Variants in DYM observed in about 807,000 individuals in gnomAD.
DYM encodes the protein dyggve-Melchior-Clausen syndrome protein.
Under a neutral mutation model 93.1 loss-of-function variants are expected in DYM, and 78 were observed. The observed-to-expected ratio is 0.84, with a 90% CI of 0.70 to 1.01. The LOEUF (loss-of-function observed/expected upper bound fraction) is 1.01, where lower values mean the gene tolerates loss of function less well. Among genes scored for constraint, DYM ranks in the 50% least tolerant of loss-of-function variants. The pLI is 0.00. For synonymous variants in DYM, 321 were observed against 319.7 expected (o/e 1.00, Z -0.04); for missense variants, 789 against 845.0 (o/e 0.93, Z 0.82).
chr18:49,107,256 T>C (rs1366587515), intron 16 of DYM, among the ~76,000 whole-genome samples: 2 of 152,250 alleles, frequency 1.3e-5, no homozygotes, highest in African/African-American at 4.8e-5. Context: ...TTCAGCTCCA[T>C]TAGGTCCTTT....
intron 6 of DYM, among the ~76,000 whole-genome samples, chr18:49,339,417 A>G (rs977599420): frequency 6.6e-6 from 1 of 152,224 alleles, no homozygotes; most frequent in Non-Finnish European, 1.5e-5. Flanking sequence ...TTGAGAGATC[A>G]GCTTACAACA....
At chr18:49,442,556 TAA>T (rs767137277) in intron 1 of DYM, among the ~76,000 whole-genome samples, 1 of 149,614 alleles carries the variant, frequency 6.7e-6, no homozygotes, top group Non-Finnish European at 1.5e-5. Flanking sequence ...GTCTCAAAAA[TAA>T]AAAAAAGAAA....
intron 8 of DYM, among the ~76,000 whole-genome samples, chr18:49,290,756 T>G (rs2060056723): frequency 6.6e-6 from 1 of 152,146 alleles, no homozygotes; most frequent in African/African-American, 2.4e-5. Context: ...CAGGGTCCAC[T>G]GTAGACAGTG....
chr18:49,339,451 C>A (rs2063922849), intron 6 of DYM, among the ~76,000 whole-genome samples: 2 of 152,160 alleles, frequency 1.3e-5, no homozygotes, highest in Non-Finnish European at 2.9e-5. Context: ...TGTTGAGTAG[C>A]CCCTCTTGCT....
chr18:49,276,903 G>T (rs1004141545), intron 10 of DYM, among the ~76,000 whole-genome samples: 1 of 152,146 alleles, frequency 6.6e-6, no homozygotes, highest in Non-Finnish European at 1.5e-5. Flanking sequence ...AGTAAGAGAT[G>T]AAGGCAGCTT....
intron 8 of DYM, among the ~76,000 whole-genome samples, chr18:49,305,030 C>T (rs1408609252): frequency 6.6e-6 from 1 of 152,166 alleles, no homozygotes; most frequent in Non-Finnish European, 1.5e-5. Context: ...ATTCAGGTCA[C>T]TTCCTCTAGT....
chr18:49,155,549 C>T (rs2086306743), intron 15 of DYM, among the ~76,000 whole-genome samples: 1 of 152,226 alleles, frequency 6.6e-6, no homozygotes, highest in East Asian at 1.9e-4. Flanking sequence ...CCTCATTCTG[C>T]TTCACACTCC....
rs372195478 is a variant in DYM, at chr18:49,331,947, T to G, written c.680A>C (p.Lys227Thr). 75 of 1,614,014 alleles carry G rather than the reference T, an allele frequency of 4.6e-5. No individual in the cohort carries two copies. Among genetic ancestry groups the G allele is most frequent in the Non-Finnish European group, 5.5e-5 (65 of 1,180,006 alleles). The change falls in exon 8 of 18, where the codon AAG (lysine) becomes ACG (threonine). Residue 227 changes from lysine (K) to threonine (T), a missense_variant. Around this residue, in one of 3 missense-constraint regions of DYM, gnomAD observed 450 missense variants for 436.2 expected, o/e 1.03. Transcript: ENST00000675505. ...AACATGGGCCCCTGGAGGAGGTGGC[T>G]TTTCTTGTCTGATAAAGTTATATAA... ...TLLYNFIRQEKPPPPGAHVFP... is the reference protein window; with the variant it reads ...TLLYNFIRQETPPPPGAHVFP...
At chr18:49,309,381 T>G (rs559227233) in intron 8 of DYM, among the ~76,000 whole-genome samples, 2 of 152,324 alleles carry the variant, frequency 1.3e-5, no homozygotes, top group Non-Finnish European at 2.9e-5. Context: ...ATGTCCATAA[T>G]CCCAGCATTT....
intron 14 of DYM, among the ~76,000 whole-genome samples, chr18:49,190,959 T>G (rs2090911011): frequency 6.6e-6 from 1 of 152,190 alleles, no homozygotes; most frequent in South Asian, 2.1e-4. Context: ...GTTAATCAAC[T>G]GTATATTTTT....
At chr18:49,270,379 T>C (rs1252213520) in intron 11 of DYM, among the ~76,000 whole-genome samples, 2 of 152,172 alleles carry the variant, frequency 1.3e-5, no homozygotes, top group Non-Finnish European at 2.9e-5. Context: ...GATTATCTTT[T>C]TAAAAAGTCA....
intron 17 of DYM, among the ~76,000 whole-genome samples, chr18:49,070,339 G>T (rs894734457): frequency 4.6e-5 from 7 of 152,164 alleles, no homozygotes; most frequent in African/African-American, 1.7e-4. Flanking sequence ...AGTTAGACCT[G>T]TCCTTGAGGT....
chr18:49,312,679 A>G (rs1017051218), intron 8 of DYM, among the ~76,000 whole-genome samples: 1 of 152,176 alleles, frequency 6.6e-6, no homozygotes, highest in Non-Finnish European at 1.5e-5. Flanking sequence ...AGAACTTGGG[A>G]ACCGCTGAAC....
chr18:49,275,382 A>T (rs2094825501), intron 10 of DYM, among the ~76,000 whole-genome samples: 1 of 152,114 alleles, frequency 6.6e-6, no homozygotes, highest in African/African-American at 2.4e-5. Flanking sequence ...CTTTATAGTA[A>T]GTTTTGAAAT....
intron 15 of DYM, among the ~76,000 whole-genome samples, chr18:49,157,804 G>C (rs2086629303): frequency 6.6e-6 from 1 of 152,210 alleles, no homozygotes; most frequent in East Asian, 1.9e-4. Flanking sequence ...TGTCACTTGA[G>C]TTTTTGGCAT....
At chr18:49,064,576 A>C (rs1312397300) in intron 17 of DYM, among the ~76,000 whole-genome samples, 1 of 152,166 alleles carries the variant, frequency 6.6e-6, no homozygotes, top group Non-Finnish European at 1.5e-5. Flanking sequence ...ATTTGATTAA[A>C]TTCTACTTGA....
intron 8 of DYM, among the ~76,000 whole-genome samples, chr18:49,324,749 T>C (rs1362746560): frequency 6.6e-6 from 1 of 152,226 alleles, no homozygotes; most frequent in Non-Finnish European, 1.5e-5. Context: ...TTTCTTTCTT[T>C]CTATTTTAAC....
chr18:49,141,463 C>A (rs1399414731), intron 15 of DYM, among the ~76,000 whole-genome samples: 1 of 151,994 alleles, frequency 6.6e-6, no homozygotes, highest in Non-Finnish European at 1.5e-5. Context: ...TCATTTAATG[C>A]TACTCTCCCC....
intron 8 of DYM, among the ~76,000 whole-genome samples, chr18:49,314,899 T>A (rs1388513698): frequency 6.6e-6 from 1 of 152,210 alleles, no homozygotes; most frequent in Non-Finnish European, 1.5e-5. Flanking sequence ...GTTGCAATCA[T>A]GTTTACTAAG....
Sources: gnomAD v4.1 joint callset for allele counts (sites outside exome capture counted in the v4.1 genomes callset) on GRCh38, gnomAD v4.1.1 for gene constraint, gnomAD v4.1.1 regional missense constraint, MANE v1.5 for transcripts, NCBI Gene and HGNC (gene_info 2026-07-23, HGNC 2026-07-21) for gene names.